The following KCNQ3 variants were observed in gnomAD, a reference collection of about 807,000 sequenced individuals.
KCNQ3 encodes potassium voltage-gated channel subfamily KQT member 3.
A neutral mutation model predicts 92.5 loss-of-function variants in KCNQ3; 30 were observed. The ratio of observed to expected loss-of-function variants is 0.32; its 90% CI spans 0.24 to 0.44. The LOEUF (loss-of-function observed/expected upper bound fraction) is 0.44. KCNQ3 is among the 20% of genes least tolerant of loss of function. The pLI is 1.00. For synonymous variants in KCNQ3, 450 were observed against 468.8 expected (o/e 0.96, Z 0.52); for missense variants, 913 against 1,140.3 (o/e 0.80, Z 2.87).
chr8:132,382,211 T>C (rs1321802355), intron 1 of KCNQ3, among the ~76,000 whole-genome samples: 1 of 152,240 alleles, frequency 6.6e-6, no homozygotes, highest in Non-Finnish European at 1.5e-5. Flanking sequence ...TATGTTGAAA[T>C]GTGATCCCCG....
intron 1 of KCNQ3, among the ~76,000 whole-genome samples, chr8:132,460,696 C>T (rs1478385297): frequency 1.3e-5 from 2 of 152,152 alleles, no homozygotes; most frequent in African/African-American, 2.4e-5. Context: ...CTCTTGTCAC[C>T]ATCTGCATCC....
At chr8:132,224,839 G>A (rs759835585) in intron 1 of KCNQ3, among the ~76,000 whole-genome samples, 1 of 152,056 alleles carries the variant, frequency 6.6e-6, no homozygotes, top group Non-Finnish European at 1.5e-5. Context: ...GCTACATAAT[G>A]GTTATTCAAC....
At chr8:132,163,434 A>G (rs777925614) in intron 9 of KCNQ3, 34 bp downstream of exon 9, 1 of 1,584,266 alleles carries the variant, frequency 6.3e-7, no homozygotes, top group Admixed American at 1.7e-5. Context: ...TGACACAGAG[A>G]TGTGAAGAAG....
At chr8:132,158,781 G>A (rs901735068) in intron 9 of KCNQ3, among the ~76,000 whole-genome samples, 8 of 152,128 alleles carry the variant, frequency 5.3e-5, no homozygotes, top group Non-Finnish European at 1.0e-4. Context: ...CAACTATGCC[G>A]GGGAAGCAGT....
chr8:132,374,401 G>C, intron 1 of KCNQ3, among the ~76,000 whole-genome samples: 1 of 152,132 alleles, frequency 6.6e-6, no homozygotes, highest in East Asian at 1.9e-4. Context: ...CTTTCCCTTA[G>C]GTCACTATCC....
intron 1 of KCNQ3, among the ~76,000 whole-genome samples, chr8:132,394,504 C>T (rs1820140688): frequency 1.3e-5 from 2 of 152,234 alleles, no homozygotes; most frequent in Middle Eastern, 3.4e-3. Flanking sequence ...TAAGTGATTG[C>T]TTGATCCAGT....
intron 1 of KCNQ3, among the ~76,000 whole-genome samples, chr8:132,266,482 T>C (rs1815985730): frequency 6.6e-6 from 1 of 152,188 alleles, no homozygotes; most frequent in Non-Finnish European, 1.5e-5. Context: ...CATCACAGCC[T>C]GTTTTTTATA....
chr8:132,297,794 C>T (rs1401314964), intron 1 of KCNQ3, among the ~76,000 whole-genome samples: 1 of 152,154 alleles, frequency 6.6e-6, no homozygotes, highest in African/African-American at 2.4e-5. Context: ...CCAGACTCCC[C>T]GGCTCCTAAA....
intron 1 of KCNQ3, among the ~76,000 whole-genome samples, chr8:132,347,649 G>T (rs1818733236): frequency 6.6e-6 from 1 of 152,086 alleles, no homozygotes; most frequent in Non-Finnish European, 1.5e-5. Flanking sequence ...TTTAAACTGA[G>T]ATAAAAAATA....
At chr8:132,360,322 T>A (rs1819130109) in intron 1 of KCNQ3, among the ~76,000 whole-genome samples, 5 of 152,158 alleles carry the variant, frequency 3.3e-5, no homozygotes. Flanking sequence ...CTTCACCCTA[T>A]CTCTCATCCC....
intron 1 of KCNQ3, among the ~76,000 whole-genome samples, chr8:132,345,228 CCTA>C (rs1246420943): frequency 6.6e-6 from 1 of 152,310 alleles, no homozygotes; most frequent in East Asian, 1.9e-4. Flanking sequence ...ACATTCATCA[CCTA>C]CTTTCTCTCA....
At chr8:132,400,872 A>G (rs552197909) in intron 1 of KCNQ3, among the ~76,000 whole-genome samples, 1 of 152,242 alleles carries the variant, frequency 6.6e-6, no homozygotes, top group South Asian at 2.1e-4. Flanking sequence ...CCCTTTCACC[A>G]CAACCTTGAA....
chr8:132,439,538 C>A (rs1821480627), intron 1 of KCNQ3, among the ~76,000 whole-genome samples: 1 of 152,100 alleles, frequency 6.6e-6, no homozygotes, highest in Non-Finnish European at 1.5e-5. Context: ...GCTGAAGGAA[C>A]AAAGTATGGT....
intron 1 of KCNQ3, among the ~76,000 whole-genome samples, chr8:132,199,593 T>C (rs555648177): frequency 6.6e-6 from 1 of 152,318 alleles, no homozygotes; most frequent in East Asian, 1.9e-4. Flanking sequence ...GATAATCAAA[T>C]GGACTTAAAG....
chr8:132,333,665 A>T (rs1389669886), intron 1 of KCNQ3, among the ~76,000 whole-genome samples: 1 of 151,736 alleles, frequency 6.6e-6, no homozygotes, highest in South Asian at 2.1e-4. Context: ...GTGTGCCTGG[A>T]TTTTCTTATT....
intron 1 of KCNQ3, among the ~76,000 whole-genome samples, chr8:132,310,194 C>A (rs1407034161): frequency 6.6e-6 from 1 of 152,186 alleles, no homozygotes; most frequent in African/African-American, 2.4e-5. Flanking sequence ...CTGCTCAGAT[C>A]CCTGGGTGGA....
At chr8:132,242,296 G>A (rs1815022947) in intron 1 of KCNQ3, among the ~76,000 whole-genome samples, 1 of 152,140 alleles carries the variant, frequency 6.6e-6, no homozygotes, top group African/African-American at 2.4e-5. Flanking sequence ...TATGGAGGTG[G>A]GGTGGGTAGA....
chr8:132,208,470 G>A (rs186600445), intron 1 of KCNQ3, among the ~76,000 whole-genome samples: 4 of 152,188 alleles, frequency 2.6e-5, no homozygotes, highest in East Asian at 1.9e-4. Context: ...AGCCACATCC[G>A]CTTCAGTTTT....
intron 1 of KCNQ3, among the ~76,000 whole-genome samples, chr8:132,221,347 G>A (rs1199154276): frequency 2.0e-5 from 3 of 152,230 alleles, no homozygotes; most frequent in South Asian, 2.1e-4. Flanking sequence ...GGGAGCACTG[G>A]GTCAAATGGT....
Sources: gnomAD v4.1 joint callset for allele counts (sites outside exome capture counted in the v4.1 genomes callset) on GRCh38, gnomAD v4.1.1 for gene constraint, MANE v1.5 for transcripts, NCBI Gene and HGNC (gene_info 2026-07-23, HGNC 2026-07-21) for gene names.